Variants in MMP16 observed in about 807,000 individuals in gnomAD.
MMP16 encodes matrix metallopeptidase 16, also known as matrix metalloproteinase-16.
Under a neutral mutation model 67.8 loss-of-function variants are expected in MMP16, and 12 were observed. The observed-to-expected ratio is 0.18, with a 90% CI of 0.11 to 0.29. The LOEUF is 0.29. MMP16 is among the 10% of genes least tolerant of loss of function. The probability of loss-of-function intolerance (pLI) is 1.00; values close to 1 mark genes in which losing one functional copy is unlikely to be tolerated. For missense variants in MMP16, 475 were observed against 765.7 expected, an observed-to-expected ratio of 0.62 and a Z score of 4.48; for synonymous variants, 249 against 255.9, an observed-to-expected ratio of 0.97 and a Z score of 0.26.
intron 4 of MMP16, among the ~76,000 whole-genome samples, chr8:88,120,273 A>G (rs757312363): frequency 7.9e-5 from 12 of 152,016 alleles, no homozygotes; most frequent in Non-Finnish European, 1.6e-4. Context: ...TAGGGAGAAG[A>G]CTACTAAGGA....
chr8:88,245,744 A>G (rs916143159), intron 1 of MMP16, among the ~76,000 whole-genome samples: 7 of 152,174 alleles, frequency 4.6e-5, no homozygotes, highest in Admixed American at 2.0e-4. Flanking sequence ...GCATCAGGCA[A>G]TGATGAAGGG....
intron 1 of MMP16, among the ~76,000 whole-genome samples, chr8:88,267,537 C>T (rs1235214633): frequency 6.6e-6 from 1 of 152,184 alleles, no homozygotes; most frequent in Non-Finnish European, 1.5e-5. Context: ...ATATAGCCAA[C>T]ACTTAGCGTA....
chr8:88,161,362 T>C (rs1337574602), intron 4 of MMP16, among the ~76,000 whole-genome samples: 1 of 152,166 alleles, frequency 6.6e-6, no homozygotes, highest in African/African-American at 2.4e-5. Context: ...TCTCTGATGG[T>C]AGTTTGTATT....
intron 1 of MMP16, among the ~76,000 whole-genome samples, chr8:88,320,371 T>C (rs778063419): frequency 1.7e-4 from 26 of 152,248 alleles, no homozygotes; most frequent in Middle Eastern, 3.4e-3. Flanking sequence ...AAACCACAAT[T>C]ATTTCATTAG....
chr8:88,091,578 C>A (rs1267797432), intron 6 of MMP16, among the ~76,000 whole-genome samples: 1 of 151,880 alleles, frequency 6.6e-6, no homozygotes, highest in Non-Finnish European at 1.5e-5. Context: ...CACTCACACA[C>A]ACACAGGTTT....
chr8:88,051,237 A>G (rs1220200849), intron 8 of MMP16, among the ~76,000 whole-genome samples: 1 of 152,150 alleles, frequency 6.6e-6, no homozygotes, highest in Non-Finnish European at 1.5e-5. Context: ...AACATGAACA[A>G]AAAAATCTCA....
At chr8:88,197,526 T>A (rs1809276283) in intron 1 of MMP16, among the ~76,000 whole-genome samples, 1 of 152,124 alleles carries the variant, frequency 6.6e-6, no homozygotes, top group African/African-American at 2.4e-5. Flanking sequence ...TACCTTCTAA[T>A]GTTAATTAAA....
In MMP16 at chr8:88,082,579, G is replaced by C. The variant is rs192806943; in HGVS notation, c.1084-7836C>G. Among the ~76,000 whole-genome samples, 544 of 152,100 alleles carry C rather than the reference G, an allele frequency of 3.6e-3. 1 individual carries two copies. Among genetic ancestry groups the C allele is most frequent in the South Asian group, 0.013 (64 of 4,824 alleles). ...CTATCTTCTGTGTAAAAGAGGATGG[G>C]AAAATTTATCTATATTAACATTGTT... On this transcript the variant is annotated intron_variant, in intron 6 of 9. Transcript: ENST00000286614.
At chr8:88,150,773 G>A (rs1808391430) in intron 4 of MMP16, among the ~76,000 whole-genome samples, 1 of 151,484 alleles carries the variant, frequency 6.6e-6, no homozygotes, top group Admixed American at 6.6e-5. Context: ...AAAATGTAAA[G>A]ACCATCGATG....
intron 1 of MMP16, among the ~76,000 whole-genome samples, chr8:88,269,593 T>G (rs897158935): frequency 2.0e-5 from 3 of 152,170 alleles, no homozygotes; most frequent in Non-Finnish European, 4.4e-5. Context: ...CCTGACCAAT[T>G]GTTACTATAC....
At chr8:88,161,351 T>G (rs996351439) in intron 4 of MMP16, among the ~76,000 whole-genome samples, 4 of 152,188 alleles carry the variant, frequency 2.6e-5, no homozygotes, top group Non-Finnish European at 5.9e-5. Flanking sequence ...GTTTATAGTA[T>G]TCTCTGATGG....
intron 1 of MMP16, among the ~76,000 whole-genome samples, chr8:88,297,387 G>A (rs1168034717): frequency 1.3e-5 from 2 of 152,216 alleles, no homozygotes; most frequent in Non-Finnish European, 2.9e-5. Flanking sequence ...TCTGGGACCT[G>A]AGAACTGCCC....
At chr8:88,095,397 A>G (rs954132336) in intron 6 of MMP16, among the ~76,000 whole-genome samples, 1 of 151,614 alleles carries the variant, frequency 6.6e-6, no homozygotes, top group Non-Finnish European at 1.5e-5. Context: ...TCTTCTATGC[A>G]TTAGGGTAAG....
intron 1 of MMP16, among the ~76,000 whole-genome samples, chr8:88,256,112 A>G (rs1810296999): frequency 6.6e-6 from 1 of 152,096 alleles, no homozygotes; most frequent in Admixed American, 6.6e-5. Context: ...TTTTTAACCC[A>G]TTTATTCTTC....
At chr8:88,074,206 T>C (rs1464967336) in intron 7 of MMP16, among the ~76,000 whole-genome samples, 3 of 152,184 alleles carry the variant, frequency 2.0e-5, no homozygotes, top group Non-Finnish European at 4.4e-5. Context: ...ATAAACTGAT[T>C]ACATCAAGTA....
chr8:88,248,790 TA>T (rs11356043), intron 1 of MMP16, among the ~76,000 whole-genome samples: 74,171 of 140,026 alleles, frequency 0.53, 20,818 homozygotes, highest in East Asian at 0.85. Context: ...TTGGACATAG[TA>T]AAAAAAAAAA....
chr8:88,154,995 C>G (rs1431846488), intron 4 of MMP16, among the ~76,000 whole-genome samples: 1 of 151,828 alleles, frequency 6.6e-6, no homozygotes, highest in East Asian at 1.9e-4. Flanking sequence ...AATGCTAAGT[C>G]TTTCCCTAGG....
intron 7 of MMP16, among the ~76,000 whole-genome samples, chr8:88,059,491 T>C (rs1049184874): frequency 6.6e-5 from 10 of 152,168 alleles, no homozygotes; most frequent in African/African-American, 2.4e-4. Context: ...TGAATACCTT[T>C]CTTATTTTCC....
At chr8:88,282,760 T>C (rs1810761704) in intron 1 of MMP16, among the ~76,000 whole-genome samples, 2 of 152,204 alleles carry the variant, frequency 1.3e-5, no homozygotes, top group African/African-American at 4.8e-5. Context: ...TTATGGGAAT[T>C]AGTTTGTCAA....
Sources: gnomAD v4.1 joint callset for allele counts (sites outside exome capture counted in the v4.1 genomes callset) on GRCh38, gnomAD v4.1.1 for gene constraint, MANE v1.5 for transcripts, NCBI Gene and HGNC (gene_info 2026-07-23, HGNC 2026-07-21) for gene names.